TJP1: variants seen among roughly 807,000 people sequenced by gnomAD.
TJP1 encodes the protein tight junction protein ZO-1.
In TJP1, 43 loss-of-function variants were observed where a neutral mutation model predicts 194.2. That is an observed-to-expected ratio of 0.22 (90% CI 0.17 to 0.29). The LOEUF (loss-of-function observed/expected upper bound fraction) is 0.29, where lower values mean the gene tolerates loss of function less well. Among genes scored for constraint, TJP1 ranks in the 10% least tolerant of loss-of-function variants. The pLI is 1.00. For missense variants in TJP1, 1,971 were observed against 2,185.7 expected, an observed-to-expected ratio of 0.90 and a Z score of 1.96; for synonymous variants, 801 against 779.0, an observed-to-expected ratio of 1.03 and a Z score of -0.47.
At chr15:29,952,645 A>G (rs1258289420) in intron 2 of TJP1, among the ~76,000 whole-genome samples, 1 of 152,216 alleles carries the variant, frequency 6.6e-6, no homozygotes, top group Non-Finnish European at 1.5e-5. Flanking sequence ...AATTAAAAGT[A>G]AAATATAAAA....
At chr15:29,801,443 A>ATT (rs2048775087) in intron 1 of TJP1, among the ~76,000 whole-genome samples, 2 of 149,488 alleles carry the variant, frequency 1.3e-5, no homozygotes, top group African/African-American at 4.9e-5. Context: ...GCCTCTCAAT[A>ATT]GAGAGGAAAA....
At chr15:29,948,477 A>G (rs1042756711) in intron 2 of TJP1, among the ~76,000 whole-genome samples, 5 of 152,228 alleles carry the variant, frequency 3.3e-5, no homozygotes, top group African/African-American at 1.2e-4. Flanking sequence ...ACCAGGCCAG[A>G]GCCTGGTCCA....
intron 1 of TJP1, among the ~76,000 whole-genome samples, chr15:29,809,298 C>T (rs962955945): frequency 6.6e-6 from 1 of 152,086 alleles, no homozygotes; most frequent in Admixed American, 6.5e-5. Context: ...GACAGAATTG[C>T]TCTAGCTACA....
intron 2 of TJP1, among the ~76,000 whole-genome samples, chr15:29,856,405 G>A (rs148444235): frequency 8.6e-4 from 131 of 152,254 alleles, no homozygotes; most frequent in Admixed American, 3.9e-4. Flanking sequence ...AGATAAATCC[G>A]TGAGACAGAA....
intron 1 of TJP1, among the ~76,000 whole-genome samples, chr15:29,967,454 C>A (rs1036635949): frequency 1.3e-5 from 2 of 151,940 alleles, no homozygotes; most frequent in East Asian, 3.9e-4. Context: ...GTGGTAGACA[C>A]CTTTGTATTC....
At chr15:29,861,638 T>C (rs1383573021) in intron 2 of TJP1, among the ~76,000 whole-genome samples, 2 of 152,222 alleles carry the variant, frequency 1.3e-5, no homozygotes, top group African/African-American at 4.8e-5. Context: ...AATTGGCTTG[T>C]CTTTTTTTTG....
intron 2 of TJP1, among the ~76,000 whole-genome samples, chr15:29,833,820 C>T (rs1312677913): frequency 5.3e-5 from 7 of 132,458 alleles, no homozygotes; most frequent in East Asian, 2.2e-4. Flanking sequence ...CCAACCTCCT[C>T]ATTTATATTT....
intron 2 of TJP1, among the ~76,000 whole-genome samples, chr15:29,949,637 ACCT>A (rs1330768158): frequency 1.8e-5 from 2 of 108,212 alleles, no homozygotes; most frequent in Non-Finnish European, 3.8e-5. Context: ...CACCTCCACC[ACCT>A]CCACCACCAC....
chr15:29,819,777 T>C (rs530873351), intron 1 of TJP1, among the ~76,000 whole-genome samples: 1 of 152,344 alleles, frequency 6.6e-6, no homozygotes, highest in East Asian at 1.9e-4. Flanking sequence ...CAGATCTCAC[T>C]TTATGTCCTT....
chr15:29,902,218 A>G (rs1405409039), intron 2 of TJP1, among the ~76,000 whole-genome samples: 1 of 152,206 alleles, frequency 6.6e-6, no homozygotes, highest in Non-Finnish European at 1.5e-5. Context: ...GAAATAGTTC[A>G]TAAAGAAATG....
chr15:29,831,244 G>A (rs950105880), intron 2 of TJP1, among the ~76,000 whole-genome samples: 1 of 152,146 alleles, frequency 6.6e-6, no homozygotes, highest in Non-Finnish European at 1.5e-5. Flanking sequence ...AATAAATCTG[G>A]AAGGAATTAT....
intron 2 of TJP1, among the ~76,000 whole-genome samples, chr15:29,910,806 T>C (rs1020121923): frequency 1.3e-5 from 2 of 152,198 alleles, no homozygotes; most frequent in South Asian, 2.1e-4. Flanking sequence ...TCCCAACTTA[T>C]ACACGGATTC....
At chr15:29,744,659 G>A (rs1281459517) in intron 8 of TJP1, among the ~76,000 whole-genome samples, 1 of 151,704 alleles carries the variant, frequency 6.6e-6, no homozygotes, top group Non-Finnish European at 1.5e-5. Flanking sequence ...TAATTATCCT[G>A]GACCACAGAA....
chr15:29,950,012 ACCACC>A (rs2055620119), intron 2 of TJP1, among the ~76,000 whole-genome samples: 1 of 75,378 alleles, frequency 1.3e-5, no homozygotes, highest in Non-Finnish European at 2.5e-5. Context: ...CTCCACAACC[ACCACC>A]TCCACCTCCA....
intron 4 of TJP1, among the ~76,000 whole-genome samples, chr15:29,767,050 T>C (rs2046372655): frequency 6.6e-6 from 1 of 152,218 alleles, no homozygotes; most frequent in South Asian, 2.1e-4. Context: ...CAATAATATG[T>C]TGGAGCTAAT....
intron 2 of TJP1, among the ~76,000 whole-genome samples, chr15:29,915,134 C>T (rs1480127747): frequency 6.6e-6 from 1 of 152,100 alleles, no homozygotes; most frequent in African/African-American, 2.4e-5. Context: ...AGAAATCTAC[C>T]AGATTTCCAG....
chr15:29,861,761 G>T (rs2052089646), intron 2 of TJP1, among the ~76,000 whole-genome samples: 1 of 152,134 alleles, frequency 6.6e-6, no homozygotes, highest in South Asian at 2.1e-4. Context: ...TTTATTTTGT[G>T]ATGGGGGGAG....
intron 25 of TJP1, among the ~76,000 whole-genome samples, chr15:29,708,139 T>C (rs2042012473): frequency 6.9e-6 from 1 of 145,428 alleles, no homozygotes; most frequent in African/African-American, 2.6e-5. Context: ...GAGGTTGCAG[T>C]GAACCAAGAT....
chr15:29,949,925 ACCACCACCACCAC>A (rs2055597217), intron 2 of TJP1, among the ~76,000 whole-genome samples: 1 of 41,334 alleles, frequency 2.4e-5, no homozygotes, highest in African/African-American at 2.3e-4. Flanking sequence ...CTCCACCTTC[ACCACCACCACCAC>A]CTCCACAACC....
Sources: allele counts gnomAD v4.1 joint callset (sites outside exome capture counted in the v4.1 genomes callset), GRCh38; gene constraint gnomAD v4.1.1; transcripts MANE v1.5; gene names NCBI Gene and HGNC (gene_info 2026-07-23, HGNC 2026-07-21).